The following MRPS28 variants were observed in gnomAD, a reference collection of about 807,000 sequenced individuals.
MRPS28 encodes small ribosomal subunit protein bS1m.
MRPS28 carries 7 observed loss-of-function variants against 10.8 expected under a neutral mutation model. The ratio of observed to expected loss-of-function variants is 0.65; its 90% CI spans 0.37 to 1.22. The LOEUF (loss-of-function observed/expected upper bound fraction) is 1.22. MRPS28 is among the 50% of genes most tolerant of loss of function. The pLI is 0.02. For missense variants in MRPS28, 265 were observed against 232.9 expected (o/e 1.14, Z -0.90); for synonymous variants, 121 against 93.3 (o/e 1.30, Z -1.71).
chr8:80,004,212 G>A (rs1808756126), intron 1 of MRPS28, among the ~76,000 whole-genome samples: 2 of 152,204 alleles, frequency 1.3e-5, no homozygotes, highest in Admixed American at 6.5e-5. Context: ...TGACCCCTGA[G>A]TAGCCTAACT....
chr8:80,027,044 C>T (rs891228073), intron 1 of MRPS28, among the ~76,000 whole-genome samples: 3 of 150,664 alleles, frequency 2.0e-5, no homozygotes, highest in African/African-American at 7.3e-5. Flanking sequence ...CCCACCAGAG[C>T]GGTACATCAG....
At chr8:79,923,638 T>C (rs1391058986) in intron 2 of MRPS28, among the ~76,000 whole-genome samples, 5 of 152,118 alleles carry the variant, frequency 3.3e-5, no homozygotes, top group Non-Finnish European at 5.9e-5. Context: ...GAAAGGCAAA[T>C]AGGATGTCTC....
rs902929439 is a variant in MRPS28, at chr8:79,921,738, T to G, written c.396-2590A>C. ...TCATGTCATCTGCAAACAGGGACAA[T>G]TTGACTTCCTCTTTTCCTAATTGAA... On this transcript the variant is annotated intron_variant, in intron 2 of 2. Coordinates refer to ENST00000276585, the MANE Select transcript of MRPS28 (RefSeq NM_014018.3). 9.2e-5 allele frequency among the ~76,000 whole-genome samples: 14 copies of G among 152,150 alleles called. No individual in the cohort carries two copies. The South Asian group carries it at 1.7e-3, about 18-fold the overall frequency.
At chr8:79,933,688 T>A (rs1298701079) in intron 2 of MRPS28, among the ~76,000 whole-genome samples, 1 of 152,072 alleles carries the variant, frequency 6.6e-6, no homozygotes, top group African/African-American at 2.4e-5. Context: ...GTGGTATAGG[T>A]AAATGTAAAG....
At chr8:79,973,708 A>T (rs1033368355) in intron 2 of MRPS28, among the ~76,000 whole-genome samples, 1 of 151,978 alleles carries the variant, frequency 6.6e-6, no homozygotes. Flanking sequence ...AGCAACTCCC[A>T]TGGGTGTTTC....
intron 2 of MRPS28, among the ~76,000 whole-genome samples, chr8:79,994,496 A>G (rs1272529379): frequency 6.6e-6 from 1 of 152,106 alleles, no homozygotes; most frequent in African/African-American, 2.4e-5. Context: ...ACATTATTCA[A>G]AATTTTTCTC....
intron 2 of MRPS28, among the ~76,000 whole-genome samples, chr8:79,978,345 T>C (rs1367627806): frequency 6.6e-6 from 1 of 152,156 alleles, no homozygotes; most frequent in Non-Finnish European, 1.5e-5. Context: ...GTATTTTTTT[T>C]TTCCCTGATA....
chr8:79,940,930 C>T (rs185833422), intron 2 of MRPS28, among the ~76,000 whole-genome samples: 1 of 152,210 alleles, frequency 6.6e-6, no homozygotes, highest in East Asian at 1.9e-4. Flanking sequence ...ATTTTTTGGA[C>T]GTAGGTATTA....
chr8:79,922,123 C>T (rs979512710), intron 2 of MRPS28, among the ~76,000 whole-genome samples: 4 of 151,976 alleles, frequency 2.6e-5, no homozygotes, highest in African/African-American at 4.8e-5. Flanking sequence ...TAAAATTTTA[C>T]GAAAGCAAAA....
chr8:79,940,862 A>G (rs1806748430), intron 2 of MRPS28, among the ~76,000 whole-genome samples: 1 of 152,370 alleles, frequency 6.6e-6, no homozygotes, highest in Middle Eastern at 3.4e-3. Context: ...CACTGTTAAA[A>G]GAGTTTTCTC....
intron 2 of MRPS28, among the ~76,000 whole-genome samples, chr8:79,959,028 T>C (rs1422067010): frequency 1.3e-5 from 2 of 152,116 alleles, no homozygotes; most frequent in Admixed American, 6.6e-5. Flanking sequence ...ACATACACTA[T>C]ATATATTCAA....
chr8:80,003,728 C>T (rs912650302), intron 1 of MRPS28, among the ~76,000 whole-genome samples: 1 of 152,174 alleles, frequency 6.6e-6, no homozygotes, highest in African/African-American at 2.4e-5. Flanking sequence ...AGGGAATTCC[C>T]TTTCCTAGCC....
chr8:80,024,950 C>G (rs1809459786), intron 1 of MRPS28, among the ~76,000 whole-genome samples: 1 of 152,094 alleles, frequency 6.6e-6, no homozygotes, highest in Non-Finnish European at 1.5e-5. Context: ...TCACAAAGGT[C>G]TAAGAGAGGA....
At chr8:79,925,725 C>T (rs760950354) in intron 2 of MRPS28, among the ~76,000 whole-genome samples, 52 of 152,242 alleles carry the variant, frequency 3.4e-4, no homozygotes, top group Non-Finnish European at 1.6e-4. Context: ...TGGTGGCTCA[C>T]GCCTGTAATC....
chr8:79,924,443 TGTGA>T lies in MRPS28; in HGVS notation c.396-5299_396-5296del, dbSNP rs376301749. Among the ~76,000 whole-genome samples the T allele has an allele frequency of 6.0e-4, 92 of 152,330 alleles. 1 individual carries two copies. The East Asian group carries it at 0.014, about 23-fold the overall frequency. Reference sequence around the variant, plus strand: ...GCAGCCACGTCCCTGTGTGTATGTGTGTGAGTAAGTAGGAATGTGTGTGTATTTT... The same window carrying T: ...GCAGCCACGTCCCTGTGTGTATGTGTGTAAGTAGGAATGTGTGTGTATTTT... On this transcript the variant is annotated intron_variant, in intron 2 of 2. Coordinates refer to ENST00000276585, the MANE Select transcript of MRPS28 (RefSeq NM_014018.3).
At chr8:80,029,929 G>C (rs1029255376) in intron 1 of MRPS28, 107 bp downstream of exon 1, 3 of 1,535,800 alleles carry the variant, frequency 2.0e-6, no homozygotes, top group Non-Finnish European at 1.7e-6. Flanking sequence ...ACTGGGCCCC[G>C]GACCTCAGCT....
At chr8:79,998,065 A>AAG (rs1554573536) in intron 2 of MRPS28, among the ~76,000 whole-genome samples, 7 of 151,752 alleles carry the variant, frequency 4.6e-5, no homozygotes, top group Non-Finnish European at 7.4e-5. Flanking sequence ...AAAAAAAAAA[A>AAG]AAAGAAAGAA....
At chr8:79,939,184 G>A (rs1586046454) in intron 2 of MRPS28, among the ~76,000 whole-genome samples, 3 of 152,188 alleles carry the variant, frequency 2.0e-5, no homozygotes, top group East Asian at 1.9e-4. Context: ...CATCTCTAGT[G>A]GTCACATCAC....
At chr8:79,972,700 C>T (rs570542995) in intron 2 of MRPS28, among the ~76,000 whole-genome samples, 15 of 152,306 alleles carry the variant, frequency 9.8e-5, no homozygotes, top group African/African-American at 3.1e-4. Flanking sequence ...CAAATATTGA[C>T]ACACGTTTTT....
Sources: gnomAD v4.1 joint callset for allele counts (sites outside exome capture counted in the v4.1 genomes callset) on GRCh38, gnomAD v4.1.1 for gene constraint, MANE v1.5 for transcripts, NCBI Gene and HGNC (gene_info 2026-07-23, HGNC 2026-07-21) for gene names.